The following CNTNAP2 variants were observed in gnomAD, a reference collection of about 807,000 sequenced individuals.
CNTNAP2 encodes contactin associated protein 2.
A neutral mutation model predicts 155.2 loss-of-function variants in CNTNAP2; 98 were observed. The observed-to-expected ratio is 0.63, with a 90% CI of 0.54 to 0.75. The LOEUF (loss-of-function observed/expected upper bound fraction) is 0.75, where lower values mean the gene tolerates loss of function less well. Among genes scored for constraint, CNTNAP2 ranks in the 30% least tolerant of loss-of-function variants. The pLI is 0.00. For synonymous variants in CNTNAP2, 651 were observed against 631.2 expected (o/e 1.03, Z -0.47); for missense variants, 1,727 against 1,688.1 (o/e 1.02, Z -0.40).
At chr7:146,685,262 T>C (rs1187607894) in intron 1 of CNTNAP2, among the ~76,000 whole-genome samples, 1 of 152,170 alleles carries the variant, frequency 6.6e-6, no homozygotes, top group African/African-American at 2.4e-5. Flanking sequence ...ATTGTGCCGC[T>C]TTATTTTTTG....
intron 9 of CNTNAP2, among the ~76,000 whole-genome samples, chr7:147,315,956 T>C (rs1039603720): frequency 1.4e-4 from 22 of 152,066 alleles, no homozygotes; most frequent in African/African-American, 5.3e-4. Context: ...CATATATGTG[T>C]GTATATATAT....
At chr7:147,045,538 A>T (rs1799340310) in intron 4 of CNTNAP2, among the ~76,000 whole-genome samples, 1 of 152,242 alleles carries the variant, frequency 6.6e-6, no homozygotes, top group East Asian at 1.9e-4. Context: ...AGATAAAATT[A>T]GTAGAGAGAC....
At chr7:146,580,818 A>G (rs891560183) in intron 1 of CNTNAP2, among the ~76,000 whole-genome samples, 1 of 152,104 alleles carries the variant, frequency 6.6e-6, no homozygotes, top group Admixed American at 6.6e-5. Flanking sequence ...TATCCCCATT[A>G]CCTAGGTCAG....
At chr7:148,000,633 G>T (rs1801879389) in intron 15 of CNTNAP2, among the ~76,000 whole-genome samples, 1 of 152,104 alleles carries the variant, frequency 6.6e-6, no homozygotes, top group African/African-American at 2.4e-5. Flanking sequence ...GTTTAGCAAG[G>T]CTGCACCAGA....
chr7:148,296,600 C>T (rs565070646), intron 21 of CNTNAP2, among the ~76,000 whole-genome samples: 3 of 134,598 alleles, frequency 2.2e-5, no homozygotes, highest in African/African-American at 8.2e-5. Context: ...GTTAAAGACA[C>T]AAGCATGTCA....
At chr7:146,629,434 T>C (rs1023329347) in intron 1 of CNTNAP2, among the ~76,000 whole-genome samples, 8 of 152,172 alleles carry the variant, frequency 5.3e-5, no homozygotes, top group South Asian at 2.1e-4. Flanking sequence ...TTATCAAAAA[T>C]ATATCATTTT....
chr7:146,398,995 GT>G (rs780118495), intron 1 of CNTNAP2, among the ~76,000 whole-genome samples: 2 of 151,376 alleles, frequency 1.3e-5, no homozygotes, highest in Non-Finnish European at 2.9e-5. Flanking sequence ...AAATATAAAT[GT>G]TTTTACTCAT....
chr7:147,432,978 C>T (rs1183562079), intron 10 of CNTNAP2, among the ~76,000 whole-genome samples: 2 of 152,168 alleles, frequency 1.3e-5, no homozygotes, highest in African/African-American at 4.8e-5. Flanking sequence ...AACACATAAG[C>T]TCTAAAACAC....
At chr7:147,120,157 G>A (rs1801073806) in intron 5 of CNTNAP2, among the ~76,000 whole-genome samples, 1 of 151,954 alleles carries the variant, frequency 6.6e-6, no homozygotes, top group South Asian at 2.1e-4. Context: ...AATGTCTTTT[G>A]GAGTCAATGA....
At chr7:148,180,608 A>C (rs1027400432) in intron 18 of CNTNAP2, among the ~76,000 whole-genome samples, 2 of 152,142 alleles carry the variant, frequency 1.3e-5, no homozygotes, top group Non-Finnish European at 2.9e-5. Context: ...TGGTATCTAC[A>C]AGATGAGATG....
At chr7:146,442,777 T>C (rs1796338932) in intron 1 of CNTNAP2, among the ~76,000 whole-genome samples, 1 of 152,168 alleles carries the variant, frequency 6.6e-6, no homozygotes, top group African/African-American at 2.4e-5. Context: ...CCAACATTAG[T>C]ACTTGAGGCT....
intron 1 of CNTNAP2, among the ~76,000 whole-genome samples, chr7:146,288,313 A>C (rs1373472282): frequency 6.6e-6 from 1 of 151,858 alleles, no homozygotes; most frequent in Non-Finnish European, 1.5e-5. Flanking sequence ...AAAAAAAAAA[A>C]AAAAATTTGT....
At chr7:148,054,264 G>T (rs1386135709) in intron 15 of CNTNAP2, among the ~76,000 whole-genome samples, 1 of 152,052 alleles carries the variant, frequency 6.6e-6, no homozygotes, top group Admixed American at 6.6e-5. Flanking sequence ...GAGCCACTGC[G>T]CCCGGCTAAT....
At chr7:147,056,448 G>A (rs983762162) in intron 4 of CNTNAP2, among the ~76,000 whole-genome samples, 1 of 152,146 alleles carries the variant, frequency 6.6e-6, no homozygotes, top group Non-Finnish European at 1.5e-5. Flanking sequence ...TCCTTTTACA[G>A]GGTTTTGCTA....
chr7:147,407,061 C>A (rs1319794831), intron 10 of CNTNAP2, among the ~76,000 whole-genome samples: 5 of 151,514 alleles, frequency 3.3e-5, no homozygotes, highest in Non-Finnish European at 7.4e-5. Flanking sequence ...CAGTGAAGAC[C>A]CCCCCCTCTG....
chr7:146,795,301 A>G (rs1192131823), intron 2 of CNTNAP2, among the ~76,000 whole-genome samples: 3 of 152,214 alleles, frequency 2.0e-5, no homozygotes, highest in Admixed American at 6.5e-5. Context: ...TGCTAATTCT[A>G]TGGCTCTCTT....
intron 4 of CNTNAP2, among the ~76,000 whole-genome samples, chr7:147,057,121 G>A (rs1038889032): frequency 5.3e-5 from 8 of 151,968 alleles, no homozygotes; most frequent in African/African-American, 1.7e-4. Flanking sequence ...TTTCAACAGC[G>A]TCTAAGTTAA....
intron 12 of CNTNAP2, among the ~76,000 whole-genome samples, chr7:147,609,830 T>C (rs939967034): frequency 6.6e-6 from 1 of 152,098 alleles, no homozygotes; most frequent in African/African-American, 2.4e-5. Context: ...TTGAAGCTTA[T>C]ATACCTTCTT....
intron 12 of CNTNAP2, chr7:147,638,840 GCTTTTTTTTTTTTT>G: frequency 1.8e-6 from 1 of 551,414 alleles, no homozygotes; most frequent in Non-Finnish European, 3.4e-6. Flanking sequence ...AGATACAAAA[GCTTTTTTTTTTTTT>G]CTTTTTTTGC....
Sources: gnomAD v4.1 joint callset for allele counts (sites outside exome capture counted in the v4.1 genomes callset) on GRCh38, gnomAD v4.1.1 for gene constraint, MANE v1.5 for transcripts, NCBI Gene and HGNC (gene_info 2026-07-23, HGNC 2026-07-21) for gene names.